The following STT3B variants were observed in gnomAD, a reference collection of about 807,000 sequenced individuals.
STT3B encodes the protein STT3 oligosaccharyltransferase complex catalytic subunit B.
Under a neutral mutation model 96.8 loss-of-function variants are expected in STT3B, and 29 were observed. The observed-to-expected ratio is 0.30, with a 90% confidence interval of 0.22 to 0.41. The LOEUF (loss-of-function observed/expected upper bound fraction) is 0.41, where lower values mean the gene tolerates loss of function less well. STT3B is among the 10% of genes least tolerant of loss of function. The pLI, the probability that STT3B is intolerant of heterozygous loss-of-function variation, is 1.00. For synonymous variants in STT3B, 367 were observed against 360.0 expected, an observed-to-expected ratio of 1.02 and a Z score of -0.22; for missense variants, 640 against 1,022.3, an observed-to-expected ratio of 0.63 and a Z score of 5.10.
At chr3:31,605,828 T>C (rs933370449) in intron 5 of STT3B, among the ~76,000 whole-genome samples, 2 of 152,136 alleles carry the variant, frequency 1.3e-5, no homozygotes, top group Non-Finnish European at 2.9e-5. Flanking sequence ...TTGGAACAGT[T>C]AAAGGGCTCA....
rs1401856785 is a variant in STT3B, at chr3:31,617,997, A to C, written c.1172+9A>C. On this transcript the variant is annotated intron_variant, in intron 8 of 15. Transcript: ENST00000295770. ...TCATTGTGGGATACTGGGTAAGTAC[A>C]GTTACATTATTTGGCATCATATTTA... The C allele has an allele frequency of 1.3e-6, 2 of 1,570,454 alleles. No homozygotes were observed. Among genetic ancestry groups the C allele is most frequent in the Non-Finnish European group, 1.8e-6 (2 of 1,141,308 alleles).
chr3:31,627,191 A>AG (rs1461590318), intron 13 of STT3B, among the ~76,000 whole-genome samples: 1 of 152,168 alleles, frequency 6.6e-6, no homozygotes, highest in Non-Finnish European at 1.5e-5. Context: ...GCAGGAGGTA[A>AG]GGGGCAGGTG....
In STT3B at chr3:31,610,225, C is replaced by G. The variant is rs538873927; in HGVS notation, c.878-4880C>G. Among the ~76,000 whole-genome samples the G allele has an allele frequency of 4.0e-4, 61 of 152,142 alleles. No individual in the cohort carries two copies. The South Asian group carries it at 0.01, about 25-fold the overall frequency. On this transcript the variant is annotated intron_variant, in intron 5 of 15. Coordinates refer to ENST00000295770, the MANE Select transcript of STT3B (RefSeq NM_178862.3). ...AATAAAATATCTTTAGTATTCAAAG[C>G]CTTCATAAGCCTTTAATCATATTTG...
rs1340694725 is a variant in STT3B at position 31,599,376 on chromosome 3, C to G, written c.778-984C>G. On this transcript the variant is annotated intron_variant, in intron 4 of 15. Transcript: ENST00000295770. ...AAACTTGTTCTCTTTCAAATTTAGA[C>G]TTAAATTTTTAAAGTAATCAGAAGT... 3.3e-5 allele frequency among the ~76,000 whole-genome samples: 5 copies of G among 152,074 alleles called. No individual in the cohort carries two copies. The East Asian group carries it at 5.8e-4, about 18-fold the overall frequency.
chr3:31,635,914 T>G, intron 15 of STT3B, 70 bp from the exon 16 acceptor site: 10 of 1,120,050 alleles, frequency 8.9e-6, no homozygotes, highest in East Asian at 2.4e-5. Flanking sequence ...CAGTAAACCA[T>G]GTGTGTGTTT....
intron 5 of STT3B, among the ~76,000 whole-genome samples, chr3:31,608,812 C>G (rs1231169870): frequency 6.6e-6 from 1 of 152,098 alleles, no homozygotes; most frequent in Non-Finnish European, 1.5e-5. Flanking sequence ...CAGTAGTAGT[C>G]GACAATAAGA....
At chr3:31,544,614 G>T (rs780266263) in intron 1 of STT3B, among the ~76,000 whole-genome samples, 3 of 152,154 alleles carry the variant, frequency 2.0e-5, no homozygotes, top group Non-Finnish European at 4.4e-5. Flanking sequence ...TTGTCCATCA[G>T]TGTGCCTTTA....
At chr3:31,571,834 GACTATGCT>G (rs1218072432) in intron 1 of STT3B, among the ~76,000 whole-genome samples, 1 of 151,008 alleles carries the variant, frequency 6.6e-6, no homozygotes, top group African/African-American at 2.4e-5. Flanking sequence ...AAAATAATCA[GACTATGCT>G]TTGTTTAGTA....
rs551895195 is a variant in STT3B, at chr3:31,553,230, A to G, written c.314+19918A>G. Among the ~76,000 whole-genome samples, 9 of 152,290 alleles carry G rather than the reference A, an allele frequency of 5.9e-5. No homozygotes were observed. The East Asian group carries it at 1.2e-3, about 20-fold the overall frequency. On this transcript the variant is annotated intron_variant, in intron 1 of 15. Transcript: ENST00000295770. ...AGTATTTCTTAAATACGTGTCTACT[A>G]TATAACTTTGGAGTGGAATTGCTAA...
At chr3:31,541,816 T>G (rs1697280123) in intron 1 of STT3B, among the ~76,000 whole-genome samples, 1 of 152,178 alleles carries the variant, frequency 6.6e-6, no homozygotes, top group African/African-American at 2.4e-5. Flanking sequence ...GACCTCGTGA[T>G]GCACCCTCCT....
intron 7 of STT3B, among the ~76,000 whole-genome samples, chr3:31,617,427 T>C (rs1332779073): frequency 6.6e-6 from 1 of 151,970 alleles, no homozygotes; most frequent in Non-Finnish European, 1.5e-5. Context: ...TGCTTCTGGA[T>C]TCTAAGTTAC....
Position 31,625,082 on chromosome 3 carries a change from A to T in STT3B, c.1896A>T (p.Ala632=), listed in dbSNP as rs753416671. Residue 632 remains alanine (A), a synonymous_variant, in exon 12 of 16, where the codon GCA becomes GCT. Coordinates refer to ENST00000295770, the MANE Select transcript of STT3B (RefSeq NM_178862.3). ...ACACCTGGAATAACAGCCACATAGC[A>T]CTGGTAAGGATTTACTAAATACAAG... is the stretch of plus-strand genomic sequence containing the variant. ...DNNTWNNSHI[A]LVGKAMSSNE... The T allele has an allele frequency of 6.2e-7, 1 of 1,612,704 alleles. No homozygotes were observed. The highest frequency in any genetic ancestry group is 1.1e-5 in the South Asian group (1 of 90,938).
chr3:31,634,350 T>C (rs995919576), intron 15 of STT3B, among the ~76,000 whole-genome samples: 1 of 152,180 alleles, frequency 6.6e-6, no homozygotes, highest in Non-Finnish European at 1.5e-5. Flanking sequence ...GAACTTGTTG[T>C]CTGATGATAT....
intron 3 of STT3B, among the ~76,000 whole-genome samples, chr3:31,595,408 G>T (rs9858120): frequency 0.96 from 146,274 of 152,290 alleles, 70,449 homozygotes; most frequent in East Asian, 1. Context: ...TTGGCAGGTG[G>T]TGTTGTTTTC....
intron 1 of STT3B, among the ~76,000 whole-genome samples, chr3:31,549,803 T>C (rs1265204811): frequency 6.6e-6 from 1 of 152,228 alleles, no homozygotes; most frequent in Admixed American, 6.5e-5. Flanking sequence ...TATGCCGGAC[T>C]TAAATATATG....
rs748016835 is a variant in STT3B, at chr3:31,632,897, A to C, written c.2188-38A>C. 3.2e-6 allele frequency: 5 copies of C among 1,568,982 alleles called. No individual in the cohort carries two copies. In the African/African-American group the frequency reaches 5.4e-5, roughly 17 times the overall value. On this transcript the variant is annotated intron_variant, in intron 14 of 15. Transcript: ENST00000295770. ...TGTCTTATAACACTGAATGTTTTCCAATATGGTTAACACCCAATAATAATG... is the reference window on the plus strand; with the variant it reads ...TGTCTTATAACACTGAATGTTTTCCCATATGGTTAACACCCAATAATAATG...
chr3:31,595,092 A>G (rs1055263564), intron 3 of STT3B, among the ~76,000 whole-genome samples: 1 of 152,068 alleles, frequency 6.6e-6, no homozygotes, highest in Non-Finnish European at 1.5e-5. Context: ...TGTGACCTAA[A>G]CCCAGCAAAG....
At chr3:31,556,848 C>T (rs987900631) in intron 1 of STT3B, among the ~76,000 whole-genome samples, 1 of 152,156 alleles carries the variant, frequency 6.6e-6, no homozygotes. Context: ...TGTGTCTTCA[C>T]TCTGTTGATT....
intron 1 of STT3B, among the ~76,000 whole-genome samples, chr3:31,566,731 T>C (rs1039730962): frequency 3.9e-5 from 6 of 152,174 alleles, no homozygotes; most frequent in African/African-American, 7.2e-5. Context: ...CCTTCCCTTC[T>C]TCCCATTTTA....
Sources: gnomAD v4.1 joint callset for allele counts (sites outside exome capture counted in the v4.1 genomes callset) on GRCh38, gnomAD v4.1.1 for gene constraint, MANE v1.5 for transcripts, NCBI Gene and HGNC (gene_info 2026-07-23, HGNC 2026-07-21) for gene names.